The following CPSF4L variants were observed in gnomAD, a reference collection of about 807,000 sequenced individuals.
The protein encoded by CPSF4L is cleavage and polyadenylation specific factor 4 like, also known as putative cleavage and polyadenylation specificity factor subunit 4-like protein.
A neutral mutation model predicts 24.0 loss-of-function variants in CPSF4L; 18 were observed. The ratio of observed to expected loss-of-function variants is 0.75; its 90% CI spans 0.52 to 1.11. CPSF4L has a LOEUF of 1.11. CPSF4L is among the 50% of genes least tolerant of loss of function. CPSF4L has a pLI of 0.00. For missense variants in CPSF4L, 211 were observed against 221.8 expected, an observed-to-expected ratio of 0.95 and a Z score of 0.31; for synonymous variants, 72 against 77.2, an observed-to-expected ratio of 0.93 and a Z score of 0.35.
At chr17:73,261,949 TGACTGCAGGG>T (rs1247815852), upstream of CPSF4L, 1 of 682,344 alleles carries the variant, frequency 1.5e-6, no homozygotes, top group Non-Finnish European at 2.5e-6. Flanking sequence ...AGTGGCCAGG[TGACTGCAGGG>T]GACGCTCCAG....
downstream of CPSF4L, chr17:73,245,516 AAGTCAC>A (rs1177559692): frequency 1.0e-6 from 1 of 985,300 alleles, no homozygotes; most frequent in African/African-American, 1.7e-5. Flanking sequence ...TAAAATTAAG[AAGTCAC>A]TTCTCAGTAA....
downstream of CPSF4L, chr17:73,247,729 A>G (rs998100219): frequency 5.9e-6 from 1 of 169,902 alleles, no homozygotes; most frequent in Non-Finnish European, 1.3e-5. Context: ...GACATTGGTA[A>G]GTACCAAGAA....
chr17:73,242,369 C>G, the CPSF4L span: 1 of 1,477,444 alleles, frequency 6.8e-7, no homozygotes, highest in Non-Finnish European at 9.2e-7. Context: ...TGGAGTTTGA[C>G]TGTTGTCTTC....
chr17:73,244,240 T>A (rs1171451183), downstream of CPSF4L, among the ~76,000 whole-genome samples: 1 of 152,108 alleles, frequency 6.6e-6, no homozygotes, highest in African/African-American at 2.4e-5. Flanking sequence ...ATAATTAAAT[T>A]TTTGTGCTGG....
chr17:73,260,876 G>A (rs982409337), intron 2 of CPSF4L, 57 bp downstream of exon 2: 1 of 1,444,530 alleles, frequency 6.9e-7, no homozygotes, highest in African/African-American at 1.4e-5. Flanking sequence ...GCTGGGTGTA[G>A]CTCAGACAGA....
chr17:73,250,495 T>C (rs1453476881), intron 5 of CPSF4L, among the ~76,000 whole-genome samples: 1 of 152,120 alleles, frequency 6.6e-6, no homozygotes, highest in East Asian at 1.9e-4. Context: ...TAAAAGCAAC[T>C]GTACAAGAAA....
At chr17:73,247,693 T>G (rs2061970917), downstream of CPSF4L, 1 of 184,272 alleles carries the variant, frequency 5.4e-6, no homozygotes, top group African/African-American at 2.4e-5. Context: ...AGATCCTGTA[T>G]TAATAAGAAG....
chr17:73,262,121 C>T, upstream of CPSF4L: 1 of 328,956 alleles, frequency 3.0e-6, no homozygotes, highest in Non-Finnish European at 5.7e-6. Context: ...CTTATCTTTG[C>T]ATGTTACCGA....
chr17:73,250,194 A>G, intron 5 of CPSF4L: 2 of 1,522,130 alleles, frequency 1.3e-6, no homozygotes, highest in African/African-American at 2.8e-5. Flanking sequence ...GGGAAACAGA[A>G]TCCCATAGTA....
intron 3 of CPSF4L, among the ~76,000 whole-genome samples, chr17:73,254,399 C>T (rs28627771): frequency 0.024 from 3,604 of 152,290 alleles, 138 homozygotes; most frequent in African/African-American, 0.08. Flanking sequence ...GCCCCCTCTT[C>T]ATCTCTACTA....
the CPSF4L span, chr17:73,242,801 C>T: frequency 1.1e-6 from 1 of 870,482 alleles, no homozygotes; most frequent in Non-Finnish European, 1.8e-6. Context: ...ATTACAGTTC[C>T]ATCACTCAGG....
downstream of CPSF4L, chr17:73,247,322 C>T (rs2061965436): frequency 4.3e-6 from 7 of 1,614,088 alleles, no homozygotes; most frequent in Admixed American, 3.3e-5. Flanking sequence ...GATTGCCGCT[C>T]TAAAACATGT....
At position 73,257,800 on chromosome 17, in the gene CPSF4L, T is replaced by C. The variant is rs756759660; in HGVS notation, c.188A>G (p.Glu63Gly). Reference sequence around the variant, plus strand: ...CCAGTGCTTGCATACCACCATCTTCTCCCCTCGGTCATGTCGGAAGGGGCA... The same window carrying C: ...CCAGTGCTTGCATACCACCATCTTCCCCCCTCGGTCATGTCGGAAGGGGCA... Reference protein sequence around the residue: ...KLCPFRHDRGEKMVVCKHWLR... With the variant: ...KLCPFRHDRGGKMVVCKHWLR... Residue 63 changes from glutamate (E) to glycine (G), a missense_variant, in exon 3 of 6, where the codon GAG becomes GGG. By Grantham distance (98) the Glu-to-Gly change is moderately conservative. Coordinates refer to ENST00000344935, the MANE Select transcript of CPSF4L (RefSeq NM_001129885.1). 1.5e-5 allele frequency: 23 copies of C among 1,551,244 alleles called. No homozygotes were observed. The African/African-American group carries it at 2.5e-4, about 17-fold the overall frequency.
At chr17:73,252,855 A>G (rs369879623) in intron 4 of CPSF4L, 132 bp from the exon 5 acceptor site, 4 of 611,072 alleles carry the variant, frequency 6.5e-6, no homozygotes, top group East Asian at 2.9e-5. Flanking sequence ...AAATCTTCCC[A>G]TCCTTTCTGT....
intron 4 of CPSF4L, among the ~76,000 whole-genome samples, chr17:73,253,696 TG>T (rs1363785676): frequency 6.6e-6 from 1 of 152,254 alleles, no homozygotes; most frequent in Non-Finnish European, 1.5e-5. Context: ...GGCATGCAGC[TG>T]ATACATGCTG....
Position 73,248,908 on chromosome 17 carries a change from A to G in CPSF4L, c.498-372T>C, listed in dbSNP as rs533992322. ...CTCTTTTATACTTTATGGGGCATCT[A>G]CATACTACTTCCGCCACTCTTCATA... On this transcript the variant is annotated intron_variant, in intron 5 of 5. Coordinates refer to ENST00000344935, the MANE Select transcript of CPSF4L (RefSeq NM_001129885.1). The G allele has an allele frequency of 2.2e-5, 4 of 183,344 alleles. No individual in the cohort carries two copies. The South Asian group carries it at 5.0e-4, about 23-fold the overall frequency. The allele number at this position is 183,344 out of a possible 1,614,324, so 11.4% of individuals were successfully genotyped here. A position where few individuals can be genotyped will look rare whatever the true frequency, so the allele number is the denominator to read the frequency against.
intron 3 of CPSF4L, among the ~76,000 whole-genome samples, chr17:73,256,549 T>C (rs1301986653): frequency 6.6e-6 from 1 of 152,218 alleles, no homozygotes. Flanking sequence ...TGTAGGTCAC[T>C]CTTTATGGAA....
At chr17:73,250,036 C>T (rs912924744) in intron 5 of CPSF4L, 15 of 471,184 alleles carry the variant, frequency 3.2e-5, no homozygotes, top group Admixed American at 8.0e-5. Flanking sequence ...ATGGATAACT[C>T]GTTCCTGCCA....
rs1050414709 is a variant in CPSF4L at position 73,250,403 on chromosome 17, T to C, written c.498-1867A>G. On this transcript the variant is annotated intron_variant, in intron 5 of 5. Transcript: ENST00000344935. ...GATGGTTAGCTACCTTTGTGAGGAA[T>C]TGGATGGATTCTGCTTGTTGGTGAA... is the stretch of plus-strand genomic sequence containing the variant. 4.9e-6 allele frequency: 7 copies of C among 1,431,532 alleles called. No individual in the cohort carries two copies. In the Admixed American group the frequency reaches 6.2e-5, roughly 13 times the overall value. The allele number at this position is 1,431,532 out of a possible 1,614,324, so 88.7% of individuals were successfully genotyped here. A position where few individuals can be genotyped will look rare whatever the true frequency, so the allele number is the denominator to read the frequency against.
Sources: gnomAD v4.1 joint callset for allele counts (sites outside exome capture counted in the v4.1 genomes callset) on GRCh38, gnomAD v4.1.1 for gene constraint, MANE v1.5 for transcripts, NCBI Gene and HGNC (gene_info 2026-07-23, HGNC 2026-07-21) for gene names.